Variants in NEXMIF observed in about 807,000 individuals in gnomAD.
NEXMIF encodes the protein neurite extension and migration factor.
Under a neutral mutation model 62.1 loss-of-function variants are expected in NEXMIF, and 8 were observed. That is an observed-to-expected ratio of 0.13 (90% CI 0.08 to 0.23). The LOEUF (loss-of-function observed/expected upper bound fraction) is 0.23, where lower values mean the gene tolerates loss of function less well. Ranked by LOEUF, NEXMIF falls within the 10% of genes least tolerant of loss-of-function variation. NEXMIF has a pLI of 1.00. For synonymous variants in NEXMIF, 404 were observed against 416.6 expected (o/e 0.97, Z 0.37); for missense variants, 976 against 1,113.3 (o/e 0.88, Z 1.75).
intron 1 of NEXMIF, among the ~76,000 whole-genome samples, chrX:74,783,970 C>A (rs1309452493): frequency 9.0e-6 from 1 of 111,124 alleles, no homozygotes; most frequent in Non-Finnish European, 1.9e-5. Context: ...TCCTAGCATA[C>A]AATGCCTGAG....
chrX:74,743,759 A>G lies in NEXMIF; in HGVS notation c.798T>C (p.Ser266=), dbSNP rs755707324. Reference sequence around the variant, plus strand: ...GGTCAAGCAGTTCAATCTTACTTTCACTAATAAAAGTCTCGAAGTAACCCC... The same window carrying G: ...GGTCAAGCAGTTCAATCTTACTTTCGCTAATAAAAGTCTCGAAGTAACCCC... The part of the protein sequence containing the change: ...QDWGYFETFI[S]ESKIELLDLC... Residue 266 remains serine (S), a synonymous_variant, in exon 3 of 4, where the codon AGT becomes AGC. Transcript: ENST00000055682. 8 of 1,211,364 alleles carry G rather than the reference A, an allele frequency of 6.6e-6. No individual in the cohort carries two copies. In the South Asian group the frequency reaches 1.1e-4, roughly 16 times the overall value.
At chrX:74,924,609 TC>T (rs745998519) in intron 1 of NEXMIF, among the ~76,000 whole-genome samples, 2 of 112,513 alleles carry the variant, frequency 1.8e-5, no homozygotes, top group African/African-American at 6.4e-5. Context: ...TCGCTTCCCC[TC>T]CCCCCGCAAC....
intron 1 of NEXMIF, among the ~76,000 whole-genome samples, chrX:74,849,598 C>G (rs749618001): frequency 2.2e-4 from 25 of 112,785 alleles, no homozygotes; most frequent in Non-Finnish European, 4.1e-4. Flanking sequence ...TGCACTGGAG[C>G]CCAGCAGGCC....
In NEXMIF at chrX:74,735,149, G is replaced by A. The variant is rs1272770460; in HGVS notation, c.*4256C>T. Reference sequence around the variant, plus strand: ...AAAGAACATATTTCTGTAGTGATGGGCAGTCATTAAAAAAATCCCTAAATG... The same window carrying A: ...AAAGAACATATTTCTGTAGTGATGGACAGTCATTAAAAAAATCCCTAAATG... On this transcript the variant is annotated 3_prime_UTR_variant, in exon 4 of 4. Coordinates refer to ENST00000055682, the MANE Select transcript of NEXMIF (RefSeq NM_001008537.3). 1 of 111,300 alleles carries A rather than the reference G, an allele frequency of 9.0e-6. No homozygotes were observed. The allele number at this position is 111,300 out of a possible 1,213,427, so 9.2% of individuals were successfully genotyped here.
At chrX:74,901,829 C>T (rs1345346809) in intron 1 of NEXMIF, among the ~76,000 whole-genome samples, 2 of 111,332 alleles carry the variant, frequency 1.8e-5, no homozygotes, top group Admixed American at 9.6e-5. Flanking sequence ...TTTAATACCT[C>T]TACCAGAAAT....
intron 1 of NEXMIF, among the ~76,000 whole-genome samples, chrX:74,752,976 C>T (rs890112243): frequency 9.0e-6 from 1 of 111,398 alleles, no homozygotes. Context: ...CTGGAAGACC[C>T]ATTTGTGTGT....
At chrX:74,757,744 ATCT>A (rs1352611292) in intron 1 of NEXMIF, among the ~76,000 whole-genome samples, 1 of 111,209 alleles carries the variant, frequency 9.0e-6, no homozygotes, top group Non-Finnish European at 1.9e-5. Context: ...CTCTTCCTAC[ATCT>A]TCTTTTCTTT....
Position 74,779,071 on chromosome X carries a change from T to C in NEXMIF, c.-47-33374A>G, listed in dbSNP as rs756835789. 5.5e-4 allele frequency among the ~76,000 whole-genome samples: 62 copies of C among 112,686 alleles called. 1 individual carries two copies. The highest frequency in any genetic ancestry group is 9.9e-4 in the Non-Finnish European group (53 of 53,392). ...GAAGATTCTTGCACATTCTTGCTGCTGCAAATAGGTCAAGTTCAGACGCCA... is the reference window on the plus strand; with the variant it reads ...GAAGATTCTTGCACATTCTTGCTGCCGCAAATAGGTCAAGTTCAGACGCCA... On this transcript the variant is annotated intron_variant, in intron 1 of 3. Transcript: ENST00000055682.
At chrX:74,876,342 T>C (rs1301964671) in intron 1 of NEXMIF, among the ~76,000 whole-genome samples, 1 of 112,073 alleles carries the variant, frequency 8.9e-6, no homozygotes, top group South Asian at 3.7e-4. Context: ...TTGATTGCAC[T>C]GTGGTCTGAG....
At position 74,742,307 on chromosome X, in the gene NEXMIF, C is replaced by T; in HGVS notation, c.2250G>A (p.Leu750=). Residue 750 remains leucine, a synonymous_variant, in exon 3 of 4, where the codon TTG becomes TTA. Transcript: ENST00000055682. The part of the protein sequence containing the change: ...SKPIVQMSPL[L]ENQSSKANLK... ...AATTAGCCTTTGAGGATTGGTTTTC[C>T]AAGAGAGGGCTCATTTGAACAATTG... 1 of 1,211,396 alleles carries T rather than the reference C, an allele frequency of 8.3e-7. No homozygotes were observed. Among genetic ancestry groups the T allele is most frequent in the Non-Finnish European group, 1.1e-6 (1 of 895,254 alleles).
At chrX:74,909,702 C>G (rs747397672) in intron 1 of NEXMIF, among the ~76,000 whole-genome samples, 1 of 112,162 alleles carries the variant, frequency 8.9e-6, no homozygotes. Flanking sequence ...ATGGCAGCCT[C>G]TCCCATCATA....
chrX:74,921,712 G>C (rs2147378333), intron 1 of NEXMIF, among the ~76,000 whole-genome samples: 2 of 100,868 alleles, frequency 2.0e-5, no homozygotes, highest in African/African-American at 7.3e-5. Flanking sequence ...ACTTTTCAGA[G>C]GAAGTAAAAG....
chrX:74,876,913 A>C (rs977002074), intron 1 of NEXMIF, among the ~76,000 whole-genome samples: 1 of 111,377 alleles, frequency 9.0e-6, no homozygotes, highest in Non-Finnish European at 1.9e-5. Flanking sequence ...TTTCCCGAAT[A>C]CAACACACTG....
intron 1 of NEXMIF, among the ~76,000 whole-genome samples, chrX:74,903,735 A>G (rs776070009): frequency 1.8e-5 from 2 of 111,767 alleles, no homozygotes; most frequent in Non-Finnish European, 3.8e-5. Context: ...TTAATCTCTC[A>G]TTGCTTCACT....
At chrX:74,784,005 C>T (rs2080253800) in intron 1 of NEXMIF, among the ~76,000 whole-genome samples, 2 of 111,353 alleles carry the variant, frequency 1.8e-5, no homozygotes, top group Non-Finnish European at 3.8e-5. Flanking sequence ...TCATTTCCGT[C>T]ATCCTTAGAG....
intron 1 of NEXMIF, among the ~76,000 whole-genome samples, chrX:74,898,059 T>C (rs1465743596): frequency 2.7e-5 from 3 of 111,949 alleles, no homozygotes; most frequent in Non-Finnish European, 5.6e-5. Context: ...TACTCCATCC[T>C]CAAGGAGGTG....
intron 1 of NEXMIF, among the ~76,000 whole-genome samples, chrX:74,874,924 C>T (rs200308466): frequency 0.23 from 25,023 of 107,909 alleles, 3,994 homozygotes; most frequent in East Asian, 0.92. Context: ...AGATATACAA[C>T]CATGTCATCT....
At chrX:74,751,623 CCCTTCCTTCCTT>C (rs781068385) in intron 1 of NEXMIF, among the ~76,000 whole-genome samples, 8 of 87,302 alleles carry the variant, frequency 9.2e-5, no homozygotes, top group Non-Finnish European at 1.3e-4. Flanking sequence ...TACCATCACG[CCCTTCCTTCCTT>C]CCTTCCTTCC....
At chrX:74,806,365 C>T (rs2080344908) in intron 1 of NEXMIF, among the ~76,000 whole-genome samples, 1 of 111,220 alleles carries the variant, frequency 9.0e-6, no homozygotes, top group Non-Finnish European at 1.9e-5. Flanking sequence ...ACCTCAGCAT[C>T]ATGCAACATA....
Sources: allele counts gnomAD v4.1 joint callset (sites outside exome capture counted in the v4.1 genomes callset), GRCh38; gene constraint gnomAD v4.1.1; transcripts MANE v1.5; gene names NCBI Gene and HGNC (gene_info 2026-07-23, HGNC 2026-07-21).